Variants in SH3RF3 observed in about 807,000 individuals in gnomAD.
The protein encoded by SH3RF3 is SH3 domain containing ring finger 3.
Under a neutral mutation model 66.3 loss-of-function variants are expected in SH3RF3, and 29 were observed. The ratio of observed to expected loss-of-function variants is 0.44; its 90% CI spans 0.33 to 0.60. The LOEUF is 0.60. SH3RF3 is among the 20% of genes least tolerant of loss of function. The pLI, the probability that SH3RF3 is intolerant of heterozygous loss-of-function variation, is 0.04. For synonymous variants in SH3RF3, 583 were observed against 532.0 expected (o/e 1.10, Z -1.32); for missense variants, 1,194 against 1,190.9 (o/e 1.00, Z -0.04).
intron 1 of SH3RF3, among the ~76,000 whole-genome samples, chr2:109,165,979 G>A (rs1180638350): frequency 6.6e-6 from 1 of 151,760 alleles, no homozygotes. Flanking sequence ...TTTTTTTCCC[G>A]CTGCTATTGC....
intron 8 of SH3RF3, among the ~76,000 whole-genome samples, chr2:109,474,183 G>C (rs1678610687): frequency 6.6e-6 from 1 of 152,192 alleles, no homozygotes; most frequent in African/African-American, 2.4e-5. Flanking sequence ...GCACACACCT[G>C]TGTGTGGGCA....
At chr2:109,450,087 T>C (rs1677824036) in intron 8 of SH3RF3, among the ~76,000 whole-genome samples, 1 of 152,210 alleles carries the variant, frequency 6.6e-6, no homozygotes, top group Admixed American at 6.5e-5. Flanking sequence ...GGCTCAAGCC[T>C]GTAATCTCAG....
intron 1 of SH3RF3, among the ~76,000 whole-genome samples, chr2:109,306,101 C>T (rs760003911): frequency 2.0e-5 from 3 of 152,204 alleles, no homozygotes; most frequent in African/African-American, 4.8e-5. Flanking sequence ...GTCTACCTCA[C>T]GCTAAAGTTG....
chr2:109,448,787 G>T (rs926079522), intron 7 of SH3RF3, among the ~76,000 whole-genome samples: 3 of 152,200 alleles, frequency 2.0e-5, no homozygotes, highest in African/African-American at 7.2e-5. Context: ...GCCTCAGTCT[G>T]TGGAAAAATT....
At chr2:109,130,234 C>T (rs1445956963) in intron 1 of SH3RF3, 121 bp downstream of exon 1, 7 of 949,354 alleles carry the variant, frequency 7.4e-6, no homozygotes, top group African/African-American at 1.7e-5. Context: ...TTGGCCCACT[C>T]CGCTGTTGCT....
intron 8 of SH3RF3, among the ~76,000 whole-genome samples, chr2:109,484,474 T>C (rs539986937): frequency 6.6e-6 from 1 of 152,152 alleles, no homozygotes; most frequent in South Asian, 2.1e-4. Flanking sequence ...CTCTGACCAC[T>C]CCCTTGGCCA....
rs73955529 is a variant in SH3RF3 at position 109,323,658 on chromosome 2, C to T, written c.574-24016C>T. On this transcript the variant is annotated intron_variant, in intron 1 of 9. Transcript: ENST00000309415. ...TTTTGGTGAGGTTGAGCTGTGTGTC[C>T]GCCAAGCTCCCTGAGCCTGTGCCTC... 7.6e-3 allele frequency among the ~76,000 whole-genome samples: 1,154 copies of T among 152,290 alleles called. 21 individuals are homozygous for T. Among genetic ancestry groups the T allele is most frequent in the African/African-American group, 0.026 (1,084 of 41,552 alleles).
chr2:109,259,175 G>A (rs984575371), intron 1 of SH3RF3, among the ~76,000 whole-genome samples: 1 of 152,250 alleles, frequency 6.6e-6, no homozygotes, highest in African/African-American at 2.4e-5. Flanking sequence ...ACAAAAGCCG[G>A]GTTGAGGAAT....
intron 1 of SH3RF3, among the ~76,000 whole-genome samples, chr2:109,218,064 G>C (rs1172342854): frequency 2.6e-5 from 4 of 152,146 alleles, no homozygotes; most frequent in Non-Finnish European, 2.9e-5. Context: ...CTGCGGGGAG[G>C]GGTGCTGTGT....
intron 1 of SH3RF3, among the ~76,000 whole-genome samples, chr2:109,248,813 C>T (rs1197551857): frequency 2.0e-5 from 3 of 149,610 alleles, no homozygotes; most frequent in East Asian, 2.0e-4. Context: ...CTTTCTCTTT[C>T]GTTTTCTCTC....
At chr2:109,315,771 G>A (rs976497512) in intron 1 of SH3RF3, among the ~76,000 whole-genome samples, 2 of 152,212 alleles carry the variant, frequency 1.3e-5, no homozygotes, top group African/African-American at 4.8e-5. Context: ...GAGTATTCAG[G>A]TGAATGCCGG....
intron 1 of SH3RF3, among the ~76,000 whole-genome samples, chr2:109,254,744 T>A (rs781530167): frequency 1.5e-4 from 23 of 152,168 alleles, no homozygotes; most frequent in Non-Finnish European, 2.9e-4. Context: ...AGCCTCTCAT[T>A]GCCGGGACTT....
intron 2 of SH3RF3, among the ~76,000 whole-genome samples, chr2:109,358,721 C>A (rs923822170): frequency 3.3e-5 from 5 of 152,196 alleles, no homozygotes; most frequent in Non-Finnish European, 7.3e-5. Context: ...TATTTTCTCC[C>A]AGTCTGTAGC....
intron 1 of SH3RF3, among the ~76,000 whole-genome samples, chr2:109,210,677 G>A (rs1363320032): frequency 2.0e-5 from 3 of 152,188 alleles, no homozygotes; most frequent in Non-Finnish European, 4.4e-5. Context: ...CTTACTCCAG[G>A]TGGGAGGCCC....
intron 3 of SH3RF3, among the ~76,000 whole-genome samples, chr2:109,383,518 CT>C (rs1421820101): frequency 2.0e-5 from 3 of 152,182 alleles, no homozygotes; most frequent in Non-Finnish European, 4.4e-5. Context: ...TCTGTTAATA[CT>C]TTCTGTTTCC....
chr2:109,136,028 A>G (rs1676807481), intron 1 of SH3RF3, among the ~76,000 whole-genome samples: 1 of 152,134 alleles, frequency 6.6e-6, no homozygotes, highest in Non-Finnish European at 1.5e-5. Flanking sequence ...GCTGCCTAGA[A>G]TCAGGCTGCT....
chr2:109,245,540 TA>T (rs1383104331), intron 1 of SH3RF3, among the ~76,000 whole-genome samples: 2 of 152,360 alleles, frequency 1.3e-5, no homozygotes, highest in Admixed American at 1.3e-4. Context: ...TTTTTATTTT[TA>T]TTGGACAAAC....
In SH3RF3 at chr2:109,222,154, A is replaced by G. The variant is rs80043153; in HGVS notation, c.573+92041A>G. ...TGTGGAAGCTAAAAAAGGTGCTCGC[A>G]TGAAGACAGAGTAGAGTGCCAGATG... On this transcript the variant is annotated intron_variant, in intron 1 of 9. Coordinates refer to ENST00000309415, the MANE Select transcript of SH3RF3 (RefSeq NM_001099289.3). Among the ~76,000 whole-genome samples the G allele has an allele frequency of 6.8e-4, 98 of 143,720 alleles. 1 individual carries two copies. The East Asian group carries it at 0.019, about 28-fold the overall frequency. 94.3% of individuals were successfully genotyped at this position (143,720 alleles called of 152,430 possible).
chr2:109,150,925 A>C (rs1414961056), intron 1 of SH3RF3, among the ~76,000 whole-genome samples: 1 of 152,234 alleles, frequency 6.6e-6, no homozygotes, highest in Non-Finnish European at 1.5e-5. Flanking sequence ...AAGAGCATTC[A>C]AATAAAGAAG....
Sources: allele counts gnomAD v4.1 joint callset (sites outside exome capture counted in the v4.1 genomes callset), GRCh38; gene constraint gnomAD v4.1.1; transcripts MANE v1.5; gene names NCBI Gene and HGNC (gene_info 2026-07-23, HGNC 2026-07-21).